The following NRG3 variants were observed in gnomAD, a reference collection of about 807,000 sequenced individuals.
The protein encoded by NRG3 is pro-neuregulin-3, membrane-bound isoform.
NRG3 carries 31 observed loss-of-function variants against 66.9 expected under a neutral mutation model. That is an observed-to-expected ratio of 0.46 (90% CI 0.35 to 0.63). NRG3 has a LOEUF of 0.63. Among genes scored for constraint, NRG3 ranks in the 20% least tolerant of loss-of-function variants. The pLI is 0.00. For synonymous variants in NRG3, 393 were observed against 359.4 expected, an observed-to-expected ratio of 1.09 and a Z score of -1.06; for missense variants, 910 against 878.9, an observed-to-expected ratio of 1.04 and a Z score of -0.45.
At chr10:82,481,542 A>G (rs1590287328) in intron 2 of NRG3, among the ~76,000 whole-genome samples, 2 of 152,230 alleles carry the variant, frequency 1.3e-5, no homozygotes, top group Admixed American at 6.5e-5. Flanking sequence ...TTAATTAATC[A>G]TTCATTTACA....
At chr10:82,008,732 T>A (rs1426483355) in intron 1 of NRG3, among the ~76,000 whole-genome samples, 2 of 152,152 alleles carry the variant, frequency 1.3e-5, no homozygotes, top group African/African-American at 4.8e-5. Flanking sequence ...AGGAACACAA[T>A]TTGAATAAAA....
intron 2 of NRG3, among the ~76,000 whole-genome samples, chr10:82,448,713 A>T (rs1202057602): frequency 6.6e-6 from 1 of 152,210 alleles, no homozygotes; most frequent in Non-Finnish European, 1.5e-5. Flanking sequence ...TGATTTTATA[A>T]AAAGTTTTTG....
At chr10:82,004,932 A>G (rs1469059544) in intron 1 of NRG3, among the ~76,000 whole-genome samples, 1 of 152,228 alleles carries the variant, frequency 6.6e-6, no homozygotes, top group Non-Finnish European at 1.5e-5. Flanking sequence ...TGTTTAAGCC[A>G]CTAAGTCTGT....
At chr10:81,880,587 C>CGA (rs1842094112) in intron 1 of NRG3, among the ~76,000 whole-genome samples, 2 of 152,138 alleles carry the variant, frequency 1.3e-5, no homozygotes, top group African/African-American at 2.4e-5. Context: ...CCTTCCTCCC[C>CGA]TTTGTACACA....
At chr10:82,883,227 T>C (rs1018975579) in intron 4 of NRG3, among the ~76,000 whole-genome samples, 15 of 151,938 alleles carry the variant, frequency 9.9e-5, no homozygotes. Context: ...TCAAACACTA[T>C]GTATTTACAG....
rs557515513 is a variant in NRG3 at position 82,585,026 on chromosome 10, G to A, written c.954-153551G>A. On this transcript the variant is annotated intron_variant, in intron 2 of 8. Coordinates refer to ENST00000372141, the MANE Select transcript of NRG3 (RefSeq NM_001010848.4). The stretch of plus-strand genomic sequence containing the variant: ...TTGTCTTTTTTGGGGGGGGAACGGG[G>A]GGAGTTTTGGCTGTATGGGTGAGTA... Among the ~76,000 whole-genome samples, 65 of 151,228 alleles carry A rather than the reference G, an allele frequency of 4.3e-4. 2 individuals carry two copies. In the South Asian group the frequency reaches 0.013, roughly 31 times the overall value.
chr10:82,821,992 G>A lies in NRG3; in HGVS notation c.1028-43419G>A, dbSNP rs377416939. On this transcript the variant is annotated intron_variant, in intron 3 of 8. Transcript: ENST00000372141. ...AGCTGGGCTTGCAAAAGGCAGAACTGGATTCCAAAATTATAGCAGCAGCCA... is the reference window on the plus strand; with the variant it reads ...AGCTGGGCTTGCAAAAGGCAGAACTAGATTCCAAAATTATAGCAGCAGCCA... Among the ~76,000 whole-genome samples the A allele has an allele frequency of 4.0e-3, 606 of 152,172 alleles. 5 individuals are homozygous for A. Among genetic ancestry groups the A allele is most frequent in the Non-Finnish European group, 6.1e-3 (413 of 68,022 alleles).
intron 1 of NRG3, among the ~76,000 whole-genome samples, chr10:82,114,164 A>G (rs761188932): frequency 1.3e-5 from 2 of 152,030 alleles, no homozygotes; most frequent in Non-Finnish European, 2.9e-5. Context: ...GTTCCTTTTT[A>G]TGGACAAACA....
At chr10:81,970,214 A>G (rs2059881308) in intron 1 of NRG3, among the ~76,000 whole-genome samples, 1 of 152,180 alleles carries the variant, frequency 6.6e-6, no homozygotes, top group South Asian at 2.1e-4. Context: ...TGAGGAAGGA[A>G]GTGCTGTTAT....
intron 1 of NRG3, among the ~76,000 whole-genome samples, chr10:82,087,161 G>T (rs4933826): frequency 2.0e-5 from 3 of 151,928 alleles, no homozygotes; most frequent in African/African-American, 2.4e-5. Flanking sequence ...GGCAGAAGGA[G>T]GACAGGCTGG....
intron 1 of NRG3, among the ~76,000 whole-genome samples, chr10:82,192,719 A>T (rs538406182): frequency 2.3e-4 from 35 of 152,260 alleles, no homozygotes; most frequent in African/African-American, 8.4e-4. Flanking sequence ...CCTGCAGGAG[A>T]TATGTAGTGA....
chr10:82,785,617 C>T (rs181494101), intron 3 of NRG3, among the ~76,000 whole-genome samples: 22 of 152,078 alleles, frequency 1.4e-4, no homozygotes, highest in Non-Finnish European at 2.5e-4. Context: ...TTGGACTTTG[C>T]GGAAGGCAAC....
At chr10:81,960,641 G>T (rs1308939551) in intron 1 of NRG3, among the ~76,000 whole-genome samples, 1 of 151,330 alleles carries the variant, frequency 6.6e-6, no homozygotes, top group African/African-American at 2.4e-5. Flanking sequence ...GGTATCAAGC[G>T]TTACACTTTG....
At chr10:82,199,889 C>T (rs2152595) in intron 1 of NRG3, among the ~76,000 whole-genome samples, 2,396 of 142,710 alleles carry the variant, frequency 0.017, 87 homozygotes, top group East Asian at 0.13. Flanking sequence ...TGTGTGTGTG[C>T]GTGTGTGTGT....
chr10:82,282,926 G>A (rs534612484), intron 1 of NRG3, among the ~76,000 whole-genome samples: 37 of 152,158 alleles, frequency 2.4e-4, no homozygotes, highest in African/African-American at 8.4e-4. Context: ...ACTGGGGTCC[G>A]ATCCTGGCCC....
chr10:82,540,211 T>A (rs2043443166), intron 2 of NRG3, among the ~76,000 whole-genome samples: 1 of 151,918 alleles, frequency 6.6e-6, no homozygotes, highest in South Asian at 2.1e-4. Context: ...TATTCAGTTA[T>A]CCCAGTTATC....
chr10:82,100,197 T>C (rs1032028992), intron 1 of NRG3, among the ~76,000 whole-genome samples: 3 of 152,134 alleles, frequency 2.0e-5, no homozygotes, highest in Non-Finnish European at 1.5e-5. Flanking sequence ...CAATATTTCA[T>C]TGAAAACATA....
intron 3 of NRG3, chr10:82,859,342 C>T (rs1257355673): frequency 6.6e-6 from 1 of 152,156 alleles, no homozygotes; most frequent in Admixed American, 6.5e-5. Flanking sequence ...ACTTGGGACC[C>T]TTGTATGATC....
intron 1 of NRG3, among the ~76,000 whole-genome samples, chr10:82,031,263 AACCT>A (rs2062555763): frequency 6.6e-6 from 1 of 152,148 alleles, no homozygotes; most frequent in Non-Finnish European, 1.5e-5. Context: ...TATTCCCACG[AACCT>A]GTGTTAGGTG....
Sources: allele counts gnomAD v4.1 joint callset (sites outside exome capture counted in the v4.1 genomes callset), GRCh38; gene constraint gnomAD v4.1.1; transcripts MANE v1.5; gene names NCBI Gene and HGNC (gene_info 2026-07-23, HGNC 2026-07-21).